GOLGA8A: variants seen among roughly 807,000 people sequenced by gnomAD.
GOLGA8A encodes the protein golgin A8 family member A, also known as golgin subfamily A member 8A.
GOLGA8A carries 3 observed loss-of-function variants against 22.1 expected under a neutral mutation model. The observed-to-expected ratio is 0.14, with a 90% CI of 0.06 to 0.35. GOLGA8A has a LOEUF of 0.35. GOLGA8A is among the 10% of genes least tolerant of loss of function. The pLI is 1.00. For synonymous variants in GOLGA8A, 7 were observed against 91.7 expected, an observed-to-expected ratio of 0.08 and a Z score of 5.28; for missense variants, 16 against 233.2, an observed-to-expected ratio of 0.07 and a Z score of 6.07.
intron 2 of GOLGA8A, among the ~76,000 whole-genome samples, chr15:34,435,008 C>T (rs1406344580): frequency 1.3e-5 from 2 of 149,482 alleles, no homozygotes; most frequent in Non-Finnish European, 3.0e-5. Flanking sequence ...TGCTGGGCCT[C>T]GATCCCCACC....
At chr15:34,424,361 G>A (rs143726266) in intron 2 of GOLGA8A, among the ~76,000 whole-genome samples, 114,051 of 121,722 alleles carry the variant, frequency 0.94, 53,816 homozygotes, top group South Asian at 0.98. Flanking sequence ...ACCCCTCCAC[G>A]ATGGACCCCA....
rs570836551 is a variant in GOLGA8A at position 34,421,279 on chromosome 15, C to G, written c.-1122-13544G>C. ...TTCCATTAAACGACAAGAAAATCGG[C>G]TATTGTGAGAAGAGTCACATGAAGG... is the stretch of plus-strand genomic sequence containing the variant. On this transcript the variant is annotated intron_variant, in intron 2 of 24. Transcript: ENST00000359187. Among the ~76,000 whole-genome samples the G allele has an allele frequency of 1.5e-3, 208 of 143,272 alleles. 24 individuals are homozygous for G. The highest frequency in any genetic ancestry group is 5.1e-3 in the African/African-American group (199 of 39,280). 94.0% of individuals were successfully genotyped at this position (143,272 alleles called of 152,430 possible). A position where few individuals can be genotyped will look rare whatever the true frequency, so the allele number is the denominator to read the frequency against.
intron 2 of GOLGA8A, among the ~76,000 whole-genome samples, chr15:34,433,936 G>A (rs1417949400): frequency 1.3e-5 from 2 of 149,444 alleles, no homozygotes; most frequent in African/African-American, 4.9e-5. Flanking sequence ...TAAGTGAGGG[G>A]CCGGCCAGGT....
At chr15:34,428,618 T>C (rs1595667123) in intron 2 of GOLGA8A, 1 of 147,792 alleles carries the variant, frequency 6.8e-6, no homozygotes, top group Non-Finnish European at 1.5e-5. Flanking sequence ...AACTTACCTA[T>C]CAAACAGGGA....
rs1595631389 is a variant in GOLGA8A at position 34,379,722 on chromosome 15, C to T, written c.*1689G>A. The T allele has an allele frequency of 1.3e-5, 2 of 152,596 alleles. No homozygotes were observed. The highest frequency in any genetic ancestry group is 4.8e-5 in the African/African-American group (2 of 41,436). The allele number at this position is 152,596 out of a possible 1,614,324, so 9.5% of individuals were successfully genotyped here. A position where few individuals can be genotyped will look rare whatever the true frequency, so the allele number is the denominator to read the frequency against. On this transcript the variant is annotated 3_prime_UTR_variant, in exon 25 of 25. Coordinates refer to ENST00000359187, the MANE Select transcript of GOLGA8A (RefSeq NM_181077.5). Reference sequence around the variant, plus strand: ...AGCACACCTACATATCTCCCTACAACCTAATAATGTGATGTGTTTTGGAAC... The same window carrying T: ...AGCACACCTACATATCTCCCTACAATCTAATAATGTGATGTGTTTTGGAAC...
At chr15:34,431,356 A>G (rs1310961820) in intron 2 of GOLGA8A, among the ~76,000 whole-genome samples, 1 of 122,558 alleles carries the variant, frequency 8.2e-6, no homozygotes, top group Non-Finnish European at 1.7e-5. Context: ...TCTCACACAC[A>G]CACACTCGTG....
At position 34,435,152 on chromosome 15, in the gene GOLGA8A, A is replaced by G. The variant is rs1172058575; in HGVS notation, c.-1123+231T>C. On this transcript the variant is annotated intron_variant, in intron 2 of 24. Transcript: ENST00000359187. The stretch of plus-strand genomic sequence containing the variant: ...CAGAGGACACGGAGGAGTGCCGGAG[A>G]GGAGCTGAGGCCTGGAGGGGGCCTC... 1.3e-5 allele frequency among the ~76,000 whole-genome samples: 2 copies of G among 149,340 alleles called. 1 individual carries two copies. The highest frequency in any genetic ancestry group is 4.9e-5 in the African/African-American group (2 of 40,454).
intron 12 of GOLGA8A, among the ~76,000 whole-genome samples, chr15:34,386,196 G>T (rs879434382): frequency 7.1e-6 from 1 of 139,994 alleles, no homozygotes; most frequent in Non-Finnish European, 1.6e-5. Flanking sequence ...ATTCTAGGGG[G>T]CCTTTAAATC....
At chr15:34,425,885 T>C (rs349638) in intron 2 of GOLGA8A, among the ~76,000 whole-genome samples, 1 of 145,170 alleles carries the variant, frequency 6.9e-6, no homozygotes. Context: ...GCTATCACTT[T>C]ACACCCACTT....
rs1291162685 is a variant in GOLGA8A, at chr15:34,428,089, CA to C, written c.-1123+7293del. On this transcript the variant is annotated intron_variant, in intron 2 of 24. Coordinates refer to ENST00000359187, the MANE Select transcript of GOLGA8A (RefSeq NM_181077.5). Reference sequence around the variant, plus strand: ...AAATGGAGCTTTCTCTCCTTCAAATCAGACTTCTTTTTTTTTTTTTGAGAGA... The same window carrying C: ...AAATGGAGCTTTCTCTCCTTCAAATCGACTTCTTTTTTTTTTTTTGAGAGA... 2.0e-5 allele frequency among the ~76,000 whole-genome samples: 3 copies of C among 146,976 alleles called. 1 individual carries two copies. Among genetic ancestry groups the C allele is most frequent in the Non-Finnish European group, 4.5e-5 (3 of 66,486 alleles).
intron 1 of GOLGA8A, among the ~76,000 whole-genome samples, chr15:34,435,996 G>A (rs1337273477): frequency 2.7e-5 from 4 of 149,242 alleles, no homozygotes; most frequent in Admixed American, 6.8e-5. Context: ...CCCAGGCTGT[G>A]GGGGAAGGCA....
intron 2 of GOLGA8A, among the ~76,000 whole-genome samples, chr15:34,431,763 AT>A (rs1398584294): frequency 6.7e-6 from 1 of 148,708 alleles, no homozygotes; most frequent in Admixed American, 6.8e-5. Context: ...CCTAGGCTAC[AT>A]TTTAAAAAAA....
intron 2 of GOLGA8A, among the ~76,000 whole-genome samples, chr15:34,425,557 A>G (rs1288081570): frequency 6.9e-6 from 1 of 145,252 alleles, no homozygotes; most frequent in Non-Finnish European, 1.5e-5. Context: ...TAAGATACAA[A>G]ATTCAGGAGT....
In GOLGA8A at chr15:34,379,374, A is replaced by G. The variant is rs556911137; in HGVS notation, c.*2037T>C. On this transcript the variant is annotated 3_prime_UTR_variant, in exon 25 of 25. Transcript: ENST00000359187. The stretch of plus-strand genomic sequence containing the variant: ...TTAATATTTATATTATTTTAAAATG[A>G]CTCTTTAAGATACAGTTTTAAACCC... The G allele has an allele frequency of 6.6e-6, 1 of 152,484 alleles. No homozygotes were observed. The highest frequency in any genetic ancestry group is 1.5e-5 in the Non-Finnish European group (1 of 68,032). 9.4% of individuals were successfully genotyped at this position (152,484 alleles called of 1,614,324 possible). A position where few individuals can be genotyped will look rare whatever the true frequency, so the allele number is the denominator to read the frequency against.
At chr15:34,384,226 AG>A (rs1421985272) in intron 16 of GOLGA8A, among the ~76,000 whole-genome samples, 179 bp from the exon 17 acceptor site, 1 of 150,898 alleles carries the variant, frequency 6.6e-6, no homozygotes, top group African/African-American at 2.5e-5. Flanking sequence ...ACAAGGAGAG[AG>A]ATCAGATAAT....
In GOLGA8A at chr15:34,433,853, G is replaced by A. The variant is rs1178070060; in HGVS notation, c.-1123+1530C>T. 1.3e-5 allele frequency among the ~76,000 whole-genome samples: 2 copies of A among 149,464 alleles called. 1 individual carries two copies. The highest frequency in any genetic ancestry group is 3.0e-5 in the Non-Finnish European group (2 of 67,226). On this transcript the variant is annotated intron_variant, in intron 2 of 24. Transcript: ENST00000359187. ...CACACTGAATGTTGAGTACTAAGGA[G>A]AAACACAAAGCAAGGTTAACAAGAG...
chr15:34,405,971 T>C (rs1892214538), intron 4 of GOLGA8A, among the ~76,000 whole-genome samples: 1 of 136,594 alleles, frequency 7.3e-6, no homozygotes, highest in Admixed American at 7.4e-5. Context: ...ATAAGGTCTT[T>C]CAGCATTTGC....
Position 34,432,390 on chromosome 15 carries a change from CG to C in GOLGA8A, c.-1123+2992del, listed in dbSNP as rs1566914496. Among the ~76,000 whole-genome samples, 2 of 148,694 alleles carry C rather than the reference CG, an allele frequency of 1.3e-5. 1 individual carries two copies. Among genetic ancestry groups the C allele is most frequent in the African/African-American group, 5.0e-5 (2 of 40,240 alleles). On this transcript the variant is annotated intron_variant, in intron 2 of 24. Coordinates refer to ENST00000359187, the MANE Select transcript of GOLGA8A (RefSeq NM_181077.5). Reference sequence around the variant, plus strand: ...CCCAGCAGGAGACAGGGACAGAACACGGACCTCACACTCTCTCCAGCTCAGA... The same window carrying C: ...CCCAGCAGGAGACAGGGACAGAACACGACCTCACACTCTCTCCAGCTCAGA...
At position 34,381,114 on chromosome 15, in the gene GOLGA8A, T is replaced by C. The variant is rs1166118571; in HGVS notation, c.*297A>G. On this transcript the variant is annotated 3_prime_UTR_variant, in exon 25 of 25. Coordinates refer to ENST00000359187, the MANE Select transcript of GOLGA8A (RefSeq NM_181077.5). ...CAGTTTTGTGCAAAGAGTGGGTCTT[T>C]GTGTGTTTGAACTCCCACCACGTAA... is the stretch of plus-strand genomic sequence containing the variant. 2.9e-5 allele frequency: 14 copies of C among 479,718 alleles called. No homozygotes were observed. Among genetic ancestry groups the C allele is most frequent in the Non-Finnish European group, 4.6e-5 (12 of 260,662 alleles). The allele number at this position is 479,718 out of a possible 1,614,324, so 29.7% of individuals were successfully genotyped here. A position where few individuals can be genotyped will look rare whatever the true frequency, so the allele number is the denominator to read the frequency against.
Sources: gnomAD v4.1 joint callset for allele counts (sites outside exome capture counted in the v4.1 genomes callset) on GRCh38, gnomAD v4.1.1 for gene constraint, MANE v1.5 for transcripts, NCBI Gene and HGNC (gene_info 2026-07-23, HGNC 2026-07-21) for gene names.